Variants in CADM2 observed in about 807,000 individuals in gnomAD.
CADM2 encodes cell adhesion molecule 2, also known as immunoglobulin superfamily member 4D.
A neutral mutation model predicts 49.8 loss-of-function variants in CADM2; 12 were observed. The ratio of observed to expected loss-of-function variants is 0.24; its 90% CI spans 0.15 to 0.39. CADM2 has a LOEUF of 0.39. CADM2 is among the 10% of genes least tolerant of loss of function. The probability of loss-of-function intolerance (pLI) is 1.00; values close to 1 mark genes in which losing one functional copy is unlikely to be tolerated. For missense variants in CADM2, 378 were observed against 492.3 expected, an observed-to-expected ratio of 0.77 and a Z score of 2.20; for synonymous variants, 214 against 175.4, an observed-to-expected ratio of 1.22 and a Z score of -1.74.
intron 1 of CADM2, among the ~76,000 whole-genome samples, chr3:85,060,930 A>G (rs1366450677): frequency 2.0e-5 from 3 of 152,168 alleles, no homozygotes; most frequent in Non-Finnish European, 4.4e-5. Flanking sequence ...TAATATAAAT[A>G]ATCCCATCCA....
At chr3:85,949,958 A>G (rs139890833) in intron 7 of CADM2, among the ~76,000 whole-genome samples, 10 of 151,266 alleles carry the variant, frequency 6.6e-5, no homozygotes, top group Non-Finnish European at 1.3e-4. Context: ...GAAACATTTT[A>G]TATAGTGTCA....
intron 1 of CADM2, among the ~76,000 whole-genome samples, chr3:85,127,022 G>A (rs1234251699): frequency 6.6e-6 from 1 of 152,060 alleles, no homozygotes; most frequent in African/African-American, 2.4e-5. Context: ...ACCATACATA[G>A]GAGAGTCAGA....
At chr3:85,845,701 T>C (rs193067816) in intron 3 of CADM2, among the ~76,000 whole-genome samples, 6 of 152,178 alleles carry the variant, frequency 3.9e-5, no homozygotes, top group Non-Finnish European at 8.8e-5. Flanking sequence ...AGCGGGATGT[T>C]TGAGTGGGCC....
intron 1 of CADM2, among the ~76,000 whole-genome samples, chr3:85,169,084 C>T (rs2040550706): frequency 6.6e-6 from 1 of 152,062 alleles, no homozygotes; most frequent in Non-Finnish European, 1.5e-5. Flanking sequence ...TCAGGAGTAT[C>T]TGGGGTTACA....
At chr3:85,468,140 C>T (rs556455329) in intron 1 of CADM2, among the ~76,000 whole-genome samples, 2 of 111,504 alleles carry the variant, frequency 1.8e-5, no homozygotes, top group African/African-American at 7.2e-5. Flanking sequence ...GGCGACAGAG[C>T]GAGACTCCGT....
intron 2 of CADM2, among the ~76,000 whole-genome samples, chr3:85,754,838 T>A (rs2069034003): frequency 6.6e-6 from 1 of 152,068 alleles, no homozygotes; most frequent in Admixed American, 6.6e-5. Context: ...AACAAAAAAA[T>A]ACCACCATAG....
At chr3:85,282,511 A>G (rs1334018083) in intron 1 of CADM2, among the ~76,000 whole-genome samples, 2 of 150,514 alleles carry the variant, frequency 1.3e-5, no homozygotes, top group Non-Finnish European at 3.0e-5. Flanking sequence ...ACCTCAAACA[A>G]TCTACCCGCC....
At chr3:85,375,809 T>C (rs770874597) in intron 1 of CADM2, among the ~76,000 whole-genome samples, 5 of 152,162 alleles carry the variant, frequency 3.3e-5, no homozygotes, top group Non-Finnish European at 7.4e-5. Context: ...CTTCCCACTA[T>C]AAACACTTCA....
At chr3:85,446,422 T>G (rs1438383645) in intron 1 of CADM2, among the ~76,000 whole-genome samples, 1 of 152,160 alleles carries the variant, frequency 6.6e-6, no homozygotes, top group Non-Finnish European at 1.5e-5. Flanking sequence ...AATGATGAGT[T>G]CCTCTGACTT....
chr3:85,481,770 T>G (rs933162315), intron 1 of CADM2, among the ~76,000 whole-genome samples: 18 of 151,622 alleles, frequency 1.2e-4, no homozygotes, highest in Non-Finnish European at 2.4e-4. Flanking sequence ...CCAATCAAAG[T>G]GAAACTTTCT....
intron 1 of CADM2, among the ~76,000 whole-genome samples, chr3:85,600,225 A>C (rs182120002): frequency 6.6e-6 from 1 of 151,944 alleles, no homozygotes; most frequent in African/African-American, 2.4e-5. Flanking sequence ...CACAATAATC[A>C]TAGAATTCTA....
At chr3:85,615,971 A>G (rs2063790632) in intron 1 of CADM2, among the ~76,000 whole-genome samples, 1 of 151,974 alleles carries the variant, frequency 6.6e-6, no homozygotes, top group African/African-American at 2.4e-5. Context: ...ATTCACCAAT[A>G]AAGTATAATG....
At chr3:85,401,183 C>T in intron 1 of CADM2, among the ~76,000 whole-genome samples, 1 of 152,202 alleles carries the variant, frequency 6.6e-6, no homozygotes, top group Non-Finnish European at 1.5e-5. Flanking sequence ...GGGGGACCTG[C>T]AGCTTGAGCC....
intron 2 of CADM2, among the ~76,000 whole-genome samples, chr3:85,739,995 T>G (rs1383232151): frequency 6.6e-6 from 1 of 152,192 alleles, no homozygotes; most frequent in Non-Finnish European, 1.5e-5. Flanking sequence ...GGATTCAGCT[T>G]AATCAGTTTT....
intron 1 of CADM2, among the ~76,000 whole-genome samples, chr3:85,090,465 A>G (rs551609496): frequency 2.0e-4 from 30 of 152,310 alleles, no homozygotes; most frequent in African/African-American, 6.5e-4. Flanking sequence ...TCACAAATGA[A>G]TAGATTTTTC....
chr3:85,661,775 G>T (rs2065414500), intron 1 of CADM2, among the ~76,000 whole-genome samples: 1 of 151,930 alleles, frequency 6.6e-6, no homozygotes, highest in African/African-American at 2.4e-5. Flanking sequence ...ATAAAATGGA[G>T]AATAAAATGG....
rs767513808 is a variant in CADM2, at chr3:85,985,470, G to C, written c.970+23823G>C. ...TGGTCCAACAGACCACAGCACTACT[G>C]TTGTGACATATGTTTAAAAAGGTAA... On this transcript the variant is annotated intron_variant, in intron 8 of 9. Transcript: ENST00000383699. Among the ~76,000 whole-genome samples the C allele has an allele frequency of 3.3e-5, 5 of 151,850 alleles. No homozygotes were observed. In the South Asian group the frequency reaches 1.0e-3, roughly 32 times the overall value.
At chr3:85,095,929 T>C (rs2037777674) in intron 1 of CADM2, among the ~76,000 whole-genome samples, 4 of 152,014 alleles carry the variant, frequency 2.6e-5, no homozygotes, top group Admixed American at 2.6e-4. Flanking sequence ...TTGTGATATG[T>C]TGTGCAGTTG....
intron 1 of CADM2, among the ~76,000 whole-genome samples, chr3:85,027,346 C>T (rs1247264184): frequency 6.6e-6 from 1 of 151,784 alleles, no homozygotes; most frequent in Non-Finnish European, 1.5e-5. Flanking sequence ...AATCTCCGGA[C>T]TTCGTGATCC....
Sources: gnomAD v4.1 joint callset for allele counts (sites outside exome capture counted in the v4.1 genomes callset) on GRCh38, gnomAD v4.1.1 for gene constraint, MANE v1.5 for transcripts, NCBI Gene and HGNC (gene_info 2026-07-23, HGNC 2026-07-21) for gene names.